The following FANCC variants were observed in gnomAD, a reference collection of about 807,000 sequenced individuals.
FANCC encodes FA complementation group C.
A neutral mutation model predicts 71.3 loss-of-function variants in FANCC; 55 were observed. That is an observed-to-expected ratio of 0.77 (90% confidence interval 0.62 to 0.97). FANCC has a LOEUF of 0.97. Among genes scored for constraint, FANCC ranks in the 50% least tolerant of loss-of-function variants. The pLI is 0.00. For missense variants in FANCC, 678 were observed against 670.9 expected, an observed-to-expected ratio of 1.01 and a Z score of -0.12; for synonymous variants, 275 against 244.9, an observed-to-expected ratio of 1.12 and a Z score of -1.15.
chr9:95,258,278 C>G (rs918756137), intron 1 of FANCC, among the ~76,000 whole-genome samples: 7 of 152,066 alleles, frequency 4.6e-5, no homozygotes, highest in Admixed American at 2.6e-4. Context: ...AACATCAATG[C>G]GAAAATCCTC....
intron 4 of FANCC, among the ~76,000 whole-genome samples, chr9:95,189,676 A>G (rs2135730085): frequency 6.6e-6 from 1 of 152,314 alleles, no homozygotes; most frequent in South Asian, 2.1e-4. Flanking sequence ...GTGCTTTACT[A>G]AATACATTCA....
At chr9:95,109,307 A>G (rs2071719695) in intron 13 of FANCC, among the ~76,000 whole-genome samples, 1 of 152,210 alleles carries the variant, frequency 6.6e-6, no homozygotes, top group Admixed American at 6.5e-5. Flanking sequence ...TTGAAAGTTC[A>G]GGCCATTTCC....
chr9:95,244,678 CAAAAAAAAAAAAAAAAAAAAAA>C (rs576605250), intron 3 of FANCC, among the ~76,000 whole-genome samples: 2 of 41,554 alleles, frequency 4.8e-5, no homozygotes, highest in Non-Finnish European at 7.9e-5. Context: ...GACTTTGTCT[CAAAAAAAAAAAAAAAAAAAAAA>C]AAAAAAAAAA....
intron 1 of FANCC, among the ~76,000 whole-genome samples, chr9:95,270,775 A>AT (rs1334587594): frequency 6.6e-6 from 1 of 152,232 alleles, no homozygotes; most frequent in East Asian, 1.9e-4. Context: ...GGTCCATTGG[A>AT]TTTTTTTAAA....
chr9:95,289,026 A>G (rs889269542), intron 1 of FANCC, among the ~76,000 whole-genome samples: 13 of 152,234 alleles, frequency 8.5e-5, no homozygotes, highest in Non-Finnish European at 1.8e-4. Context: ...GCTTGAGCCC[A>G]TGAGTTTGAG....
At chr9:95,211,576 A>G (rs1168688580) in intron 4 of FANCC, among the ~76,000 whole-genome samples, 1 of 152,190 alleles carries the variant, frequency 6.6e-6, no homozygotes, top group Non-Finnish European at 1.5e-5. Context: ...GATAGACCTA[A>G]TCTACAAAAC....
At chr9:95,232,149 A>G (rs928377593) in intron 4 of FANCC, among the ~76,000 whole-genome samples, 2 of 152,200 alleles carry the variant, frequency 1.3e-5, no homozygotes, top group Middle Eastern at 3.2e-3. Context: ...GAGCAGCAGC[A>G]AGAGAAACAA....
At chr9:95,205,501 T>C (rs1294682358) in intron 4 of FANCC, among the ~76,000 whole-genome samples, 1 of 151,816 alleles carries the variant, frequency 6.6e-6, no homozygotes. Flanking sequence ...AAGAGAAAGG[T>C]GCGCATCTGT....
chr9:95,298,405 G>T (rs1050604545), intron 1 of FANCC, among the ~76,000 whole-genome samples: 1 of 152,166 alleles, frequency 6.6e-6, no homozygotes, highest in South Asian at 2.1e-4. Context: ...AAATGAAGAG[G>T]TCCAATAGGC....
At chr9:95,105,823 C>G (rs892092911) in intron 14 of FANCC, among the ~76,000 whole-genome samples, 3 of 152,226 alleles carry the variant, frequency 2.0e-5, no homozygotes, top group Non-Finnish European at 4.4e-5. Context: ...CATCTTCAGG[C>G]TGAACAGTAC....
intron 4 of FANCC, among the ~76,000 whole-genome samples, chr9:95,209,248 G>A (rs555563858): frequency 6.6e-6 from 1 of 152,286 alleles, no homozygotes; most frequent in East Asian, 1.9e-4. Context: ...AACAGGGAGA[G>A]CACGAATAAT....
chr9:95,309,044 C>T (rs1835231310), intron 1 of FANCC, among the ~76,000 whole-genome samples: 1 of 152,126 alleles, frequency 6.6e-6, no homozygotes, highest in Non-Finnish European at 1.5e-5. Context: ...ACTTTTCTTG[C>T]TTACAACTAC....
intron 1 of FANCC, among the ~76,000 whole-genome samples, chr9:95,254,774 G>A (rs1450345017): frequency 6.6e-6 from 1 of 152,158 alleles, no homozygotes; most frequent in Non-Finnish European, 1.5e-5. Flanking sequence ...GAGCCAAGTG[G>A]TCTAGCTCAG....
chr9:95,216,501 C>T (rs904696148), intron 4 of FANCC, among the ~76,000 whole-genome samples: 1 of 152,198 alleles, frequency 6.6e-6, no homozygotes, highest in Non-Finnish European at 1.5e-5. Flanking sequence ...GGGTCTGCTG[C>T]ATTTCTGCTT....
chr9:95,186,265 C>T (rs1281347424), intron 4 of FANCC, among the ~76,000 whole-genome samples: 1 of 152,166 alleles, frequency 6.6e-6, no homozygotes, highest in Non-Finnish European at 1.5e-5. Flanking sequence ...AGGTTTAAAC[C>T]GATCACATTT....
At chr9:95,302,078 T>C (rs1323032992) in intron 1 of FANCC, among the ~76,000 whole-genome samples, 1 of 81,646 alleles carries the variant, frequency 1.2e-5, no homozygotes, top group African/African-American at 4.8e-5. Flanking sequence ...TGAGACTCCA[T>C]CTCAAAAAAA....
At position 95,120,448 on chromosome 9, in the gene FANCC, C is replaced by T. The variant is rs529683329; in HGVS notation, c.997-3058G>A. Among the ~76,000 whole-genome samples the T allele has an allele frequency of 5.9e-5, 9 of 151,570 alleles. No individual in the cohort carries two copies. The East Asian group carries it at 1.7e-3, about 29-fold the overall frequency. On this transcript the variant is annotated intron_variant, in intron 10 of 14. Transcript: ENST00000289081. ...TTTTTTTTTTAAGACAGCATCTCGC[C>T]CTGTCTTCCAGGCTGGAGTGCAGTG...
At chr9:95,135,273 T>A in intron 8 of FANCC, 73 bp downstream of exon 8, 1 of 1,442,684 alleles carries the variant, frequency 6.9e-7, no homozygotes, top group Middle Eastern at 2.2e-4. Flanking sequence ...CCCCCTTTCA[T>A]TCTCTGACTA....
intron 4 of FANCC, chr9:95,186,408 G>C (rs577839684): frequency 6.6e-6 from 1 of 152,400 alleles, no homozygotes; most frequent in East Asian, 1.9e-4. Flanking sequence ...CACGTCCCCA[G>C]ACATTGCTCA....
Sources: allele counts gnomAD v4.1 joint callset (sites outside exome capture counted in the v4.1 genomes callset), GRCh38; gene constraint gnomAD v4.1.1; transcripts MANE v1.5; gene names NCBI Gene and HGNC (gene_info 2026-07-23, HGNC 2026-07-21).